Variants in SLC25A21 observed in about 807,000 individuals in gnomAD.
SLC25A21 encodes the protein mitochondrial 2-oxodicarboxylate carrier.
In SLC25A21, 47 loss-of-function variants were observed where a neutral mutation model predicts 43.8. The observed-to-expected ratio is 1.07, with a 90% CI of 0.85 to 1.37. The LOEUF (loss-of-function observed/expected upper bound fraction) is 1.37. SLC25A21 is among the 40% of genes most tolerant of loss of function. The pLI is 0.00. For missense variants in SLC25A21, 352 were observed against 350.2 expected, an observed-to-expected ratio of 1.00 and a Z score of -0.04; for synonymous variants, 131 against 121.3, an observed-to-expected ratio of 1.08 and a Z score of -0.52.
At chr14:37,037,850 C>G (rs1261325214) in intron 1 of SLC25A21, among the ~76,000 whole-genome samples, 1 of 152,134 alleles carries the variant, frequency 6.6e-6, no homozygotes, top group Non-Finnish European at 1.5e-5. Context: ...TATGGCTCTA[C>G]TCAACCAGAA....
At chr14:36,967,075 T>A (rs1240161252) in intron 1 of SLC25A21, among the ~76,000 whole-genome samples, 1 of 152,166 alleles carries the variant, frequency 6.6e-6, no homozygotes, top group Admixed American at 6.5e-5. Context: ...TATGAGAACT[T>A]GATTTTTCCT....
At chr14:37,039,880 GT>G (rs1342609047) in intron 1 of SLC25A21, among the ~76,000 whole-genome samples, 1 of 152,022 alleles carries the variant, frequency 6.6e-6, no homozygotes, top group Non-Finnish European at 1.5e-5. Flanking sequence ...CTTGAGGCAG[GT>G]TTTGGTGGAT....
chr14:37,057,303 A>C (rs1961851388), intron 1 of SLC25A21, among the ~76,000 whole-genome samples: 1 of 152,218 alleles, frequency 6.6e-6, no homozygotes, highest in Non-Finnish European at 1.5e-5. Flanking sequence ...AAAAAGCAAT[A>C]TTCCAGGTGG....
At chr14:36,739,494 A>G (rs1037668509) in intron 3 of SLC25A21, among the ~76,000 whole-genome samples, 1 of 152,080 alleles carries the variant, frequency 6.6e-6, no homozygotes, top group East Asian at 1.9e-4. Context: ...TCTGACTAAC[A>G]TGGTGAAGCC....
intron 1 of SLC25A21, among the ~76,000 whole-genome samples, chr14:36,968,960 G>A (rs1357041717): frequency 6.6e-6 from 1 of 152,170 alleles, no homozygotes; most frequent in Non-Finnish European, 1.5e-5. Context: ...TCTCAATAAA[G>A]CAGATTTAAT....
At chr14:37,036,627 T>G (rs550132014) in intron 1 of SLC25A21, among the ~76,000 whole-genome samples, 1 of 152,050 alleles carries the variant, frequency 6.6e-6, no homozygotes, top group South Asian at 2.1e-4. Flanking sequence ...TGCCTAACCC[T>G]TTATCATAAT....
intron 2 of SLC25A21, among the ~76,000 whole-genome samples, chr14:36,844,091 A>G (rs1889470289): frequency 6.6e-6 from 1 of 152,214 alleles, no homozygotes; most frequent in African/African-American, 2.4e-5. Flanking sequence ...AGGAGGCACG[A>G]AGCCAGCCTG....
intron 1 of SLC25A21, among the ~76,000 whole-genome samples, chr14:37,011,754 A>G (rs935040651): frequency 2.0e-5 from 3 of 152,204 alleles, no homozygotes; most frequent in African/African-American, 7.2e-5. Flanking sequence ...ACATCCTCAT[A>G]CCAAAAGTCA....
At chr14:37,109,958 G>T (rs1344295919) in intron 1 of SLC25A21, among the ~76,000 whole-genome samples, 1 of 152,072 alleles carries the variant, frequency 6.6e-6, no homozygotes, top group Non-Finnish European at 1.5e-5. Context: ...CTAAATTGCA[G>T]CTTAAATGTA....
At chr14:37,064,840 A>AAAG (rs1962027984) in intron 1 of SLC25A21, among the ~76,000 whole-genome samples, 1 of 152,188 alleles carries the variant, frequency 6.6e-6, no homozygotes, top group African/African-American at 2.4e-5. Context: ...CTAGGGACAT[A>AAAG]AAGACAAGGC....
intron 1 of SLC25A21, among the ~76,000 whole-genome samples, chr14:37,157,052 T>C (rs1305672168): frequency 6.6e-6 from 1 of 152,156 alleles, no homozygotes; most frequent in East Asian, 1.9e-4. Flanking sequence ...TCACAACAAA[T>C]TTTTAAAAAT....
intron 1 of SLC25A21, among the ~76,000 whole-genome samples, chr14:36,878,178 G>A (rs1057223460): frequency 2.0e-5 from 3 of 152,184 alleles, no homozygotes; most frequent in South Asian, 2.1e-4. Context: ...ATGTCTTGGT[G>A]TCCCATGCAC....
At chr14:37,020,388 C>T (rs893957189) in intron 1 of SLC25A21, among the ~76,000 whole-genome samples, 4 of 151,132 alleles carry the variant, frequency 2.6e-5, no homozygotes, top group African/African-American at 9.7e-5. Flanking sequence ...TTAGTATTTC[C>T]CATTTAGAGA....
intron 1 of SLC25A21, among the ~76,000 whole-genome samples, chr14:36,956,213 C>A (rs145584393): frequency 5.9e-5 from 9 of 152,296 alleles, no homozygotes; most frequent in Admixed American, 5.9e-4. Context: ...AATACTGACA[C>A]ATTTATATCC....
chr14:36,707,713 T>C (rs1735210576), intron 7 of SLC25A21, among the ~76,000 whole-genome samples: 1 of 152,188 alleles, frequency 6.6e-6, no homozygotes, highest in Non-Finnish European at 1.5e-5. Context: ...CAAAGGAAGT[T>C]TGTGATTTAC....
intron 4 of SLC25A21, among the ~76,000 whole-genome samples, chr14:36,731,006 T>A (rs1210128193): frequency 6.6e-6 from 1 of 150,758 alleles, no homozygotes; most frequent in African/African-American, 2.4e-5. Flanking sequence ...GGAGTCTCGC[T>A]CTGTCGCCCA....
intron 1 of SLC25A21, among the ~76,000 whole-genome samples, chr14:37,161,093 T>C (rs1450376961): frequency 5.3e-5 from 8 of 152,074 alleles, no homozygotes; most frequent in East Asian, 1.9e-4. Context: ...ATTTGAGTAA[T>C]AGACACCCTA....
At chr14:37,059,378 G>T (rs1043020122) in intron 1 of SLC25A21, among the ~76,000 whole-genome samples, 1 of 152,146 alleles carries the variant, frequency 6.6e-6, no homozygotes. Flanking sequence ...TCTGGTAACC[G>T]AGTCTGTACT....
intron 7 of SLC25A21, among the ~76,000 whole-genome samples, chr14:36,708,744 GTTTTTTTTTT>G (rs58837881): frequency 9.2e-6 from 1 of 108,490 alleles, no homozygotes. Flanking sequence ...GCTAACGTTA[GTTTTTTTTTT>G]TTTTTTTTTT....
Sources: gnomAD v4.1 joint callset for allele counts (sites outside exome capture counted in the v4.1 genomes callset) on GRCh38, gnomAD v4.1.1 for gene constraint, MANE v1.5 for transcripts, NCBI Gene and HGNC (gene_info 2026-07-23, HGNC 2026-07-21) for gene names.